Variants in CREB1 observed in about 807,000 individuals in gnomAD.
CREB1 encodes the protein cyclic AMP-responsive element-binding protein 1.
Under a neutral mutation model 42.0 loss-of-function variants are expected in CREB1, and 2 were observed. That is an observed-to-expected ratio of 0.05 (90% confidence interval 0.02 to 0.15). CREB1 has a LOEUF of 0.15. Among genes scored for constraint, CREB1 ranks in the 10% least tolerant of loss-of-function variants. The probability of loss-of-function intolerance (pLI) is 1.00; values close to 1 mark genes in which losing one functional copy is unlikely to be tolerated. For synonymous variants in CREB1, 123 were observed against 139.9 expected, an observed-to-expected ratio of 0.88 and a Z score of 0.85; for missense variants, 199 against 388.9, an observed-to-expected ratio of 0.51 and a Z score of 4.11.
chr2:207,577,575 T>G lies in CREB1; in HGVS notation c.759T>G (p.Val253=). The G allele has an allele frequency of 6.2e-7, 1 of 1,614,076 alleles. No individual in the cohort carries two copies. Among genetic ancestry groups the G allele is most frequent in the Non-Finnish European group, 8.5e-7 (1 of 1,179,984 alleles). Residue 253 remains valine (V), a synonymous_variant, in exon 7 of 8, where the codon GTT becomes GTG. Transcript: ENST00000353267. ...CTAGCACTATTGCCCCTGGAGTTGT[T>G]ATGGCATCCTCCCCAGCACTTCCTA... The part of the protein sequence containing the change: ...APTSTIAPGV[V]MASSPALPTQ...
chr2:207,532,538 T>G (rs1422149924), intron 1 of CREB1, among the ~76,000 whole-genome samples: 1 of 151,260 alleles, frequency 6.6e-6, no homozygotes, highest in Admixed American at 6.6e-5. Flanking sequence ...CTGGGTGTCG[T>G]GGCGCGTGCT....
intron 1 of CREB1, among the ~76,000 whole-genome samples, chr2:207,540,960 C>G (rs1174873377): frequency 6.6e-6 from 1 of 152,166 alleles, no homozygotes. Flanking sequence ...TGGCTCACAC[C>G]TGTAATCCCA....
At chr2:207,589,585 G>A (rs974670434) in intron 7 of CREB1, among the ~76,000 whole-genome samples, 2 of 152,202 alleles carry the variant, frequency 1.3e-5, no homozygotes, top group African/African-American at 4.8e-5. Context: ...TGTAATAGCT[G>A]TAGGGTCTCT....
intron 7 of CREB1, among the ~76,000 whole-genome samples, chr2:207,583,659 C>T (rs562324430): frequency 6.6e-6 from 1 of 152,242 alleles, no homozygotes; most frequent in Non-Finnish European, 1.5e-5. Context: ...TTTCTGACAT[C>T]CCTAAGTTTT....
At chr2:207,540,371 T>C (rs2081045778) in intron 1 of CREB1, among the ~76,000 whole-genome samples, 1 of 152,134 alleles carries the variant, frequency 6.6e-6, no homozygotes, top group Admixed American at 6.5e-5. Context: ...CCGGGAATGG[T>C]GGCTCACGCC....
Position 207,601,922 on chromosome 2 carries a change from A to T in CREB1, c.*4864A>T. On this transcript the variant is annotated 3_prime_UTR_variant, in exon 8 of 8. Coordinates refer to ENST00000353267, the MANE Select transcript of CREB1 (RefSeq NM_004379.5). ...AATAATGTTGACTATTAAGTTGGCTACACAGTCACTGTATGTACTAGGAAC... is the reference window on the plus strand; with the variant it reads ...AATAATGTTGACTATTAAGTTGGCTTCACAGTCACTGTATGTACTAGGAAC... 1 of 212,246 alleles carries T rather than the reference A, an allele frequency of 4.7e-6. No individual in the cohort carries two copies. The highest frequency in any genetic ancestry group is 9.5e-6 in the Non-Finnish European group (1 of 104,838). 13.1% of individuals were successfully genotyped at this position (212,246 alleles called of 1,614,324 possible).
chr2:207,597,820 A>G lies in CREB1; in HGVS notation c.*762A>G, dbSNP rs2086414219. On this transcript the variant is annotated 3_prime_UTR_variant, in exon 8 of 8. Coordinates refer to ENST00000353267, the MANE Select transcript of CREB1 (RefSeq NM_004379.5). ...ACAAAGCATGGTATTTGAATTTTAA[A>G]TTAAAGCAAAGTAAATAAAAGTACA... 5.1e-6 allele frequency: 1 copy of G among 194,924 alleles called. No homozygotes were observed. Among genetic ancestry groups the G allele is most frequent in the African/African-American group, 2.3e-5 (1 of 43,314 alleles). 12.1% of individuals were successfully genotyped at this position (194,924 alleles called of 1,614,324 possible).
intron 3 of CREB1, among the ~76,000 whole-genome samples, chr2:207,565,277 TTTA>T (rs1455283336): frequency 2.0e-5 from 3 of 152,192 alleles, no homozygotes; most frequent in African/African-American, 7.2e-5. Context: ...TGGCAGTATT[TTTA>T]TTATTGATTA....
At chr2:207,545,920 A>T (rs540982856) in intron 1 of CREB1, among the ~76,000 whole-genome samples, 15 of 152,060 alleles carry the variant, frequency 9.9e-5, no homozygotes, top group African/African-American at 3.6e-4. Context: ...TTTTTAGTAG[A>T]GACAAGGTTT....
intron 1 of CREB1, among the ~76,000 whole-genome samples, chr2:207,530,723 G>T (rs1363509231): frequency 6.6e-6 from 1 of 151,868 alleles, no homozygotes; most frequent in East Asian, 1.9e-4. Context: ...TGCCTTCCCG[G>T]TGGCTTCGGT....
At chr2:207,585,806 G>A (rs1037739989) in intron 7 of CREB1, among the ~76,000 whole-genome samples, 4 of 152,150 alleles carry the variant, frequency 2.6e-5, no homozygotes, top group Admixed American at 6.5e-5. Context: ...TGAACTTTAA[G>A]AGAGAGGTCT....
intron 1 of CREB1, among the ~76,000 whole-genome samples, chr2:207,551,430 G>T (rs1401325846): frequency 1.3e-5 from 2 of 152,142 alleles, no homozygotes; most frequent in African/African-American, 4.8e-5. Context: ...TCTAACGACA[G>T]TTATGACCAG....
At chr2:207,579,176 C>G (rs1188312536) in intron 7 of CREB1, among the ~76,000 whole-genome samples, 2 of 151,790 alleles carry the variant, frequency 1.3e-5, no homozygotes, top group Non-Finnish European at 2.9e-5. Context: ...ATTCATAATT[C>G]AAATATATTT....
rs2086472769 is a variant in CREB1 at position 207,598,129 on chromosome 2, A to G, written c.*1071A>G. 1 of 180,798 alleles carries G rather than the reference A, an allele frequency of 5.5e-6. No homozygotes were observed. Among genetic ancestry groups the G allele is most frequent in the Admixed American group, 6.3e-5 (1 of 15,934 alleles). The allele number at this position is 180,798 out of a possible 1,614,324, so 11.2% of individuals were successfully genotyped here. A position where few individuals can be genotyped will look rare whatever the true frequency, so the allele number is the denominator to read the frequency against. ...AATACTGATTTTAAATATTTTCCAT[A>G]TTAACAATTTAACAGAGAATCTCTA... On this transcript the variant is annotated 3_prime_UTR_variant, in exon 8 of 8. Transcript: ENST00000353267.
chr2:207,573,550 A>G (rs563995194), intron 5 of CREB1, among the ~76,000 whole-genome samples: 2 of 152,176 alleles, frequency 1.3e-5, no homozygotes, highest in Non-Finnish European at 2.9e-5. Context: ...AGCCTGGGCA[A>G]CATAGCAAAA....
chr2:207,553,250 G>T (rs1370695634), intron 1 of CREB1, among the ~76,000 whole-genome samples: 1 of 151,378 alleles, frequency 6.6e-6, no homozygotes, highest in African/African-American at 2.4e-5. Context: ...TATGTTTTTA[G>T]TAGAGATGAG....
chr2:207,582,119 G>C, intron 7 of CREB1: 1 of 702,752 alleles, frequency 1.4e-6, no homozygotes, highest in Non-Finnish European at 2.6e-6. Context: ...TTTTCTCTTT[G>C]TCCAGCCCAT....
intron 1 of CREB1, among the ~76,000 whole-genome samples, chr2:207,530,494 G>T (rs1357910403): frequency 2.1e-5 from 3 of 144,548 alleles, no homozygotes; most frequent in African/African-American, 7.4e-5. Context: ...CGCCGCCGCC[G>T]GGCCGGGCGC....
intron 3 of CREB1, 53 bp from the exon 4 acceptor site, chr2:207,567,410 A>AT (rs1198960919): frequency 3.0e-6 from 4 of 1,325,502 alleles, no homozygotes; most frequent in Admixed American, 1.9e-5. Context: ...TTTAATAAAA[A>AT]TTTTACAGGA....
Sources: allele counts gnomAD v4.1 joint callset (sites outside exome capture counted in the v4.1 genomes callset), GRCh38; gene constraint gnomAD v4.1.1; transcripts MANE v1.5; gene names NCBI Gene and HGNC (gene_info 2026-07-23, HGNC 2026-07-21).